Variants in ARHGAP24 observed in about 807,000 individuals in gnomAD.
ARHGAP24 encodes rho GTPase-activating protein 24.
A neutral mutation model predicts 76.4 loss-of-function variants in ARHGAP24; 50 were observed. The ratio of observed to expected loss-of-function variants is 0.65; its 90% CI spans 0.52 to 0.83. ARHGAP24 has a LOEUF of 0.83. Among genes scored for constraint, ARHGAP24 ranks in the 40% least tolerant of loss-of-function variants. The pLI, the probability that ARHGAP24 is intolerant of heterozygous loss-of-function variation, is 0.00. For missense variants in ARHGAP24, 930 were observed against 914.2 expected (o/e 1.02, Z -0.22); for synonymous variants, 345 against 323.3 (o/e 1.07, Z -0.72).
chr4:85,487,152 GTA>G (rs199740884), intron 1 of ARHGAP24, among the ~76,000 whole-genome samples: 153 of 135,612 alleles, frequency 1.1e-3, no homozygotes, highest in Middle Eastern at 7.8e-3. Context: ...TTGCTTGTGT[GTA>G]TATATATATA....
chr4:85,663,902 G>A (rs1049948774), intron 2 of ARHGAP24, among the ~76,000 whole-genome samples: 6 of 151,282 alleles, frequency 4.0e-5, no homozygotes, highest in Non-Finnish European at 7.4e-5. Flanking sequence ...TTTTTGATGT[G>A]CTGCTGGATT....
At chr4:85,730,424 T>G (rs887463855) in intron 3 of ARHGAP24, among the ~76,000 whole-genome samples, 4 of 144,420 alleles carry the variant, frequency 2.8e-5, no homozygotes, top group Non-Finnish European at 6.0e-5. Flanking sequence ...TTTTGTTTTT[T>G]GAGACAGGGT....
At chr4:85,699,992 A>G (rs1183496565) in intron 2 of ARHGAP24, among the ~76,000 whole-genome samples, 1 of 152,236 alleles carries the variant, frequency 6.6e-6, no homozygotes, top group East Asian at 1.9e-4. Context: ...AGGAAACACT[A>G]TGTTACACAA....
intron 2 of ARHGAP24, among the ~76,000 whole-genome samples, chr4:85,604,586 T>C (rs1423890259): frequency 2.0e-5 from 3 of 152,168 alleles, no homozygotes; most frequent in Admixed American, 2.0e-4. Flanking sequence ...CGTCTCACTT[T>C]AGAATTTATT....
At chr4:85,582,419 CT>C (rs1727652605) in intron 2 of ARHGAP24, among the ~76,000 whole-genome samples, 1 of 152,036 alleles carries the variant, frequency 6.6e-6, no homozygotes, top group Non-Finnish European at 1.5e-5. Flanking sequence ...GTTTTTGACT[CT>C]TTAAACTGCT....
At chr4:85,810,306 T>A (rs1469702392) in intron 3 of ARHGAP24, among the ~76,000 whole-genome samples, 1 of 152,212 alleles carries the variant, frequency 6.6e-6, no homozygotes, top group East Asian at 1.9e-4. Context: ...AGGAATAATA[T>A]CCTGAGTAAG....
chr4:85,911,555 A>G (rs1735086579), intron 3 of ARHGAP24, among the ~76,000 whole-genome samples: 1 of 152,212 alleles, frequency 6.6e-6, no homozygotes, highest in Admixed American at 6.5e-5. Flanking sequence ...GTATTTGCTG[A>G]TAAGTGGATG....
chr4:85,846,310 A>G (rs932100439), intron 3 of ARHGAP24, among the ~76,000 whole-genome samples: 6 of 152,176 alleles, frequency 3.9e-5, no homozygotes, highest in South Asian at 4.1e-4. Context: ...CCTTCCCACA[A>G]TCACTTTATC....
chr4:85,974,144 A>G (rs906403379), intron 6 of ARHGAP24, among the ~76,000 whole-genome samples: 4 of 151,746 alleles, frequency 2.6e-5, no homozygotes, highest in African/African-American at 9.7e-5. Flanking sequence ...GCGTGAGCCA[A>G]TGCACCCGGC....
At chr4:85,571,445 ATG>A (rs1374568575) in intron 2 of ARHGAP24, among the ~76,000 whole-genome samples, 1 of 152,184 alleles carries the variant, frequency 6.6e-6, no homozygotes, top group Admixed American at 6.5e-5. Context: ...GGCATCACTT[ATG>A]TGTGTGTTTT....
intron 2 of ARHGAP24, among the ~76,000 whole-genome samples, chr4:85,641,098 CTTCTT>C (rs551391663): frequency 1.3e-5 from 2 of 151,898 alleles, no homozygotes; most frequent in Non-Finnish European, 2.9e-5. Flanking sequence ...CTGGAGGAAT[CTTCTT>C]TTCTTTTAAT....
intron 3 of ARHGAP24, among the ~76,000 whole-genome samples, chr4:85,731,244 A>T (rs1333239955): frequency 6.6e-6 from 1 of 152,184 alleles, no homozygotes; most frequent in Non-Finnish European, 1.5e-5. Flanking sequence ...CTTAAGAGAA[A>T]CAAGGATGAC....
chr4:85,612,906 C>T (rs1415535482), intron 2 of ARHGAP24, among the ~76,000 whole-genome samples: 3 of 147,782 alleles, frequency 2.0e-5, no homozygotes, highest in Non-Finnish European at 4.4e-5. Flanking sequence ...TCAAGCAATT[C>T]ACCCACCTCA....
intron 8 of ARHGAP24, among the ~76,000 whole-genome samples, chr4:85,994,020 G>A (rs1485705810): frequency 6.6e-6 from 1 of 152,136 alleles, no homozygotes; most frequent in African/African-American, 2.4e-5. Context: ...TTTTTGAATG[G>A]TGAACAAAAG....
chr4:85,520,781 G>T (rs1560518085), intron 1 of ARHGAP24, among the ~76,000 whole-genome samples: 2 of 152,156 alleles, frequency 1.3e-5, no homozygotes, highest in Admixed American at 1.3e-4. Flanking sequence ...AGCATTGATT[G>T]GACTTTGATG....
chr4:85,651,065 T>G (rs1721924502), intron 2 of ARHGAP24, among the ~76,000 whole-genome samples: 1 of 149,132 alleles, frequency 6.7e-6, no homozygotes, highest in Non-Finnish European at 1.5e-5. Flanking sequence ...GGGAAAAATA[T>G]TCCAGGTGGA....
At chr4:85,577,618 A>G (rs1727434183) in intron 2 of ARHGAP24, among the ~76,000 whole-genome samples, 1 of 152,194 alleles carries the variant, frequency 6.6e-6, no homozygotes, top group Non-Finnish European at 1.5e-5. Flanking sequence ...CTAAAGTAAT[A>G]CCAAGCATTT....
intron 2 of ARHGAP24, among the ~76,000 whole-genome samples, chr4:85,720,410 A>G (rs1003211351): frequency 3.9e-5 from 6 of 152,178 alleles, no homozygotes; most frequent in African/African-American, 1.2e-4. Flanking sequence ...AATGATTTCT[A>G]TATTTCTGGC....
intron 2 of ARHGAP24, among the ~76,000 whole-genome samples, chr4:85,668,909 A>C (rs1169938993): frequency 6.6e-6 from 1 of 152,318 alleles, no homozygotes; most frequent in Non-Finnish European, 1.5e-5. Flanking sequence ...GTCAGTTACA[A>C]ACCTGGTGAA....
Sources: allele counts gnomAD v4.1 joint callset (sites outside exome capture counted in the v4.1 genomes callset), GRCh38; gene constraint gnomAD v4.1.1; transcripts MANE v1.5; gene names NCBI Gene and HGNC (gene_info 2026-07-23, HGNC 2026-07-21).